The following NOVA1 variants were observed in gnomAD, a reference collection of about 807,000 sequenced individuals.
NOVA1 encodes RNA-binding protein Nova-1.
In NOVA1, 7 loss-of-function variants were observed where a neutral mutation model predicts 38.0. The ratio of observed to expected loss-of-function variants is 0.18; its 90% CI spans 0.10 to 0.35. The LOEUF is 0.35. Among genes scored for constraint, NOVA1 ranks in the 10% least tolerant of loss-of-function variants. The pLI is 1.00. For synonymous variants in NOVA1, 270 were observed against 232.5 expected, an observed-to-expected ratio of 1.16 and a Z score of -1.47; for missense variants, 460 against 616.0, an observed-to-expected ratio of 0.75 and a Z score of 2.68.
intron 1 of NOVA1, chr14:26,596,824 G>T: frequency 8.9e-7 from 1 of 1,125,752 alleles, no homozygotes; most frequent in Non-Finnish European, 1.1e-6. Context: ...CAAAGCAAGA[G>T]GATGGAGAGA....
intron 2 of NOVA1, among the ~76,000 whole-genome samples, chr14:26,545,246 A>T (rs921939058): frequency 5.3e-5 from 8 of 152,072 alleles, no homozygotes; most frequent in Non-Finnish European, 1.2e-4. Context: ...ACACAGAAGG[A>T]TCATCCAAGA....
chr14:26,497,350 T>C (rs1886897147), intron 2 of NOVA1, among the ~76,000 whole-genome samples: 1 of 152,090 alleles, frequency 6.6e-6, no homozygotes, highest in South Asian at 2.1e-4. Flanking sequence ...AGAATCAATA[T>C]CATGAAAATG....
chr14:26,574,270 C>A (rs1413055173), intron 2 of NOVA1, among the ~76,000 whole-genome samples: 874 of 82,866 alleles, frequency 0.011, 41 homozygotes, highest in East Asian at 0.089. Context: ...GTGATCCACC[C>A]CCCCCCCCCC....
chr14:26,596,864 G>A (rs992473190), intron 1 of NOVA1: 2 of 1,130,374 alleles, frequency 1.8e-6, no homozygotes, highest in Middle Eastern at 4.1e-4. Context: ...CCAGTCATTC[G>A]CAATCCGCTA....
At chr14:26,489,689 GTTATTTT>G (rs1488663968) in intron 2 of NOVA1, among the ~76,000 whole-genome samples, 2 of 151,762 alleles carry the variant, frequency 1.3e-5, no homozygotes, top group African/African-American at 4.8e-5. Flanking sequence ...AAAAAATTTT[GTTATTTT>G]TTAGTGGTGC....
chr14:26,464,743 A>T (rs189199974), intron 4 of NOVA1, among the ~76,000 whole-genome samples: 231 of 152,260 alleles, frequency 1.5e-3, no homozygotes, highest in African/African-American at 5.2e-3. Flanking sequence ...ATATGATGAA[A>T]ATTGTAATAT....
chr14:26,587,474 G>A (rs982546023), intron 2 of NOVA1, among the ~76,000 whole-genome samples: 14 of 151,006 alleles, frequency 9.3e-5, no homozygotes, highest in Admixed American at 9.3e-4. Flanking sequence ...GGAAGCATCT[G>A]ATAAATATGC....
intron 2 of NOVA1, among the ~76,000 whole-genome samples, chr14:26,566,346 T>A (rs1402120041): frequency 6.6e-6 from 1 of 151,748 alleles, no homozygotes; most frequent in Non-Finnish European, 1.5e-5. Context: ...ACAGAGTATA[T>A]TTATATACAT....
At chr14:26,527,990 T>A (rs1889423574) in intron 2 of NOVA1, among the ~76,000 whole-genome samples, 1 of 152,150 alleles carries the variant, frequency 6.6e-6, no homozygotes, top group Admixed American at 6.5e-5. Flanking sequence ...CCCAGAGGCA[T>A]ACACACTTAA....
intron 2 of NOVA1, among the ~76,000 whole-genome samples, chr14:26,555,291 C>G (rs1891409492): frequency 1.3e-5 from 2 of 151,970 alleles, no homozygotes; most frequent in Admixed American, 1.3e-4. Flanking sequence ...TCAGGCAATT[C>G]CTTTTAAATA....
At position 26,597,507 on chromosome 14, in the gene NOVA1, CTT is replaced by C. The variant is rs563401938; in HGVS notation, c.-73_-72del. On this transcript the variant is annotated 5_prime_UTR_variant, in exon 1 of 5. Coordinates refer to ENST00000539517, the MANE Select transcript of NOVA1 (RefSeq NM_002515.3). Reference sequence around the variant, plus strand: ...GTTTTGGCTTTTTCTTTTCTTTTTTCTTTTTTTTTTTTTTTTTTTTTTGCGTT... The same window carrying C: ...GTTTTGGCTTTTTCTTTTCTTTTTTCTTTTTTTTTTTTTTTTTTTTGCGTT... 21,445 of 759,494 alleles carry C rather than the reference CTT, an allele frequency of 0.028. No homozygotes were observed. The highest frequency in any genetic ancestry group is 0.07 in the African/African-American group (1,624 of 23,360). The allele number at this position is 759,494 out of a possible 1,614,324, so 47.0% of individuals were successfully genotyped here. A position where few individuals can be genotyped will look rare whatever the true frequency, so the allele number is the denominator to read the frequency against.
At chr14:26,559,368 T>C (rs1027849289) in intron 2 of NOVA1, among the ~76,000 whole-genome samples, 2 of 152,142 alleles carry the variant, frequency 1.3e-5, no homozygotes, top group Non-Finnish European at 2.9e-5. Flanking sequence ...TCTGAGAATG[T>C]TATTTAACCA....
At chr14:26,468,327 C>T (rs1364970718) in intron 4 of NOVA1, among the ~76,000 whole-genome samples, 1 of 150,518 alleles carries the variant, frequency 6.6e-6, no homozygotes, top group African/African-American at 2.4e-5. Context: ...AAAAAAAACC[C>T]TCACAAAAAT....
chr14:26,482,786 C>A (rs572677992), intron 2 of NOVA1, among the ~76,000 whole-genome samples: 1 of 152,180 alleles, frequency 6.6e-6, no homozygotes, highest in African/African-American at 2.4e-5. Context: ...CAGCCTCGAC[C>A]ACCTGGGCTC....
chr14:26,586,065 T>C (rs1451577690), intron 2 of NOVA1, among the ~76,000 whole-genome samples: 1 of 151,354 alleles, frequency 6.6e-6, no homozygotes. Context: ...TTGCGCTGTA[T>C]GTTAAACACA....
At chr14:26,488,220 A>AT (rs1326511681) in intron 2 of NOVA1, among the ~76,000 whole-genome samples, 1 of 152,202 alleles carries the variant, frequency 6.6e-6, no homozygotes, top group African/African-American at 2.4e-5. Flanking sequence ...TGAAGGCCTG[A>AT]TTCTGTTTAT....
At chr14:26,513,989 T>A (rs1888280625) in intron 2 of NOVA1, among the ~76,000 whole-genome samples, 1 of 151,770 alleles carries the variant, frequency 6.6e-6, no homozygotes, top group Admixed American at 6.6e-5. Flanking sequence ...CAAGTTATTT[T>A]AATAATTTAT....
At position 26,448,424 on chromosome 14, in the gene NOVA1, G is replaced by C. The variant is rs774272375; in HGVS notation, c.1059C>G (p.Asn353Lys). 2 of 1,611,776 alleles carry C rather than the reference G, an allele frequency of 1.2e-6. No individual in the cohort carries two copies. The highest frequency in any genetic ancestry group is 1.1e-5 in the South Asian group (1 of 91,004). Residue 353 changes from asparagine to lysine, a missense_variant, in exon 5 of 5, where the codon AAC (asparagine) becomes AAG (lysine). Asn to Lys is a moderately conservative substitution (Grantham distance 94, BLOSUM62 0). Coordinates refer to ENST00000539517, the MANE Select transcript of NOVA1 (RefSeq NM_002515.3). The surrounding 1 kb of genome is among the most constrained non-coding windows in gnomAD (Gnocchi z 5.3). ...ATAAATTGGCTGCTGCTGCTGCTGGGTTGGCACTGGCAGCTGCTGCAGCCA... is the reference window on the plus strand; with the variant it reads ...ATAAATTGGCTGCTGCTGCTGCTGGCTTGGCACTGGCAGCTGCTGCAGCCA... ...GALAAAAASA[N>K]PAAAAANLLA...
At chr14:26,580,733 T>A (rs1893162463) in intron 2 of NOVA1, among the ~76,000 whole-genome samples, 1 of 151,878 alleles carries the variant, frequency 6.6e-6, no homozygotes, top group Non-Finnish European at 1.5e-5. Context: ...AGAAATTATT[T>A]ATATTAATTA....
Sources: gnomAD v4.1 joint callset for allele counts (sites outside exome capture counted in the v4.1 genomes callset) on GRCh38, gnomAD v4.1.1 for gene constraint, Gnocchi (gnomAD v3.1) non-coding constraint, MANE v1.5 for transcripts, NCBI Gene and HGNC (gene_info 2026-07-23, HGNC 2026-07-21) for gene names.